G2E3: variants seen among roughly 807,000 people sequenced by gnomAD.
G2E3 encodes G2/M phase-specific E3 ubiquitin-protein ligase.
A neutral mutation model predicts 92.8 loss-of-function variants in G2E3; 35 were observed. The observed-to-expected ratio is 0.38, with a 90% CI of 0.29 to 0.50. G2E3 has a LOEUF of 0.50. G2E3 is among the 20% of genes least tolerant of loss of function. G2E3 has a pLI of 0.94. For synonymous variants in G2E3, 242 were observed against 272.4 expected (o/e 0.89, Z 1.10); for missense variants, 554 against 823.8 (o/e 0.67, Z 4.01).
intron 6 of G2E3, among the ~76,000 whole-genome samples, chr14:30,595,132 T>C (rs547451192): frequency 6.6e-6 from 1 of 152,250 alleles, no homozygotes; most frequent in African/African-American, 2.4e-5. Flanking sequence ...AGCAAGATTC[T>C]GTCTTTAAAA....
chr14:30,612,023 G>C (rs1270010769), intron 12 of G2E3, 184 bp from the exon 13 acceptor site: 1 of 514,038 alleles, frequency 1.9e-6, no homozygotes, highest in Non-Finnish European at 3.5e-6. Flanking sequence ...CTTGAAGGCA[G>C]AAATAGACAA....
intron 10 of G2E3, chr14:30,602,797 G>C (rs1489790046): frequency 6.6e-6 from 1 of 152,062 alleles, no homozygotes; most frequent in African/African-American, 2.4e-5. Context: ...TTTTTGTAGA[G>C]ATGGACATCT....
intron 12 of G2E3, among the ~76,000 whole-genome samples, chr14:30,610,990 G>C (rs1882061876): frequency 6.6e-6 from 1 of 152,166 alleles, no homozygotes; most frequent in Non-Finnish European, 1.5e-5. Context: ...TATACAGATG[G>C]CCCTCTGTTT....
intron 3 of G2E3, among the ~76,000 whole-genome samples, chr14:30,587,057 G>T (rs74976084): frequency 0.028 from 4,190 of 152,016 alleles, 73 homozygotes; most frequent in Admixed American, 0.042. Flanking sequence ...CTTTCTTTCT[G>T]TTTAAGGCCT....
chr14:30,613,503 CA>C (rs1188546411), intron 13 of G2E3, among the ~76,000 whole-genome samples: 2 of 152,038 alleles, frequency 1.3e-5, no homozygotes, highest in South Asian at 2.1e-4. Context: ...TATGGTATCA[CA>C]AGGTGTTTCA....
rs112958695 is a variant in G2E3, at chr14:30,575,756, A to T, written c.-4-5320A>T. Among the ~76,000 whole-genome samples the T allele has an allele frequency of 2.9e-3, 449 of 152,328 alleles. 4 individuals are homozygous for T. The highest frequency in any genetic ancestry group is 9.1e-3 in the African/African-American group (379 of 41,586). On this transcript the variant is annotated intron_variant, in intron 1 of 14. Coordinates refer to ENST00000206595, the MANE Select transcript of G2E3 (RefSeq NM_017769.5). Reference sequence around the variant, plus strand: ...AACCTAGAGCCAAATCAGAAAGGCAATCCCATTCACAGTGGCTACAAAAAG... The same window carrying T: ...AACCTAGAGCCAAATCAGAAAGGCATTCCCATTCACAGTGGCTACAAAAAG...
At chr14:30,577,239 A>AAAG (rs1880161867) in intron 1 of G2E3, among the ~76,000 whole-genome samples, 1 of 151,048 alleles carries the variant, frequency 6.6e-6, no homozygotes, top group African/African-American at 2.4e-5. Context: ...AAAAAAAAAA[A>AAAG]AAAAGAAAAA....
At chr14:30,586,247 C>T (rs1880707676) in intron 2 of G2E3, among the ~76,000 whole-genome samples, 1 of 152,152 alleles carries the variant, frequency 6.6e-6, no homozygotes, top group Non-Finnish European at 1.5e-5. Context: ...GTAATCTGCA[C>T]CAGGAACACG....
intron 1 of G2E3, among the ~76,000 whole-genome samples, chr14:30,563,088 A>G (rs1879210798): frequency 6.8e-6 from 1 of 147,712 alleles, no homozygotes; most frequent in South Asian, 2.2e-4. Flanking sequence ...TATTTCTACA[A>G]TCTCTCGTCT....
At chr14:30,559,716 A>G (rs1374263000) in intron 1 of G2E3, 1 of 152,200 alleles carries the variant, frequency 6.6e-6, no homozygotes, top group Non-Finnish European at 1.5e-5. Context: ...GAATGAAAAG[A>G]TGCTCTACGT....
chr14:30,598,518 A>G lies in G2E3; in HGVS notation c.671A>G (p.Gln224Arg). The G allele has an allele frequency of 1.2e-6, 2 of 1,613,654 alleles. No homozygotes were observed. Among genetic ancestry groups the G allele is most frequent in the Non-Finnish European group, 1.7e-6 (2 of 1,179,502 alleles). The change falls in exon 8 of 15, where the codon CAA (glutamine) becomes CGA (arginine). Residue 224 changes from glutamine to arginine, a missense_variant. This residue lies in a region of G2E3 where 397 missense variants were observed against 560.3 expected (regional missense o/e 0.71). Transcript: ENST00000206595. ...ASWELEENAY[Q>R]ELLQHYERCD... Reference sequence around the variant, plus strand: ...TGGGAATTAGAGGAAAACGCTTATCAAGAGCTTCTGCAGCACTATGAGCGT... The same window carrying G: ...TGGGAATTAGAGGAAAACGCTTATCGAGAGCTTCTGCAGCACTATGAGCGT...
In G2E3 at chr14:30,606,202, A is replaced by T. The variant is rs764811; in HGVS notation, c.1318+390A>T. Reference sequence around the variant, plus strand: ...TTTATAACATAGTTTCCTGGTCCACATGTAACCAATTTTTCAGTATACTTT... The same window carrying T: ...TTTATAACATAGTTTCCTGGTCCACTTGTAACCAATTTTTCAGTATACTTT... On this transcript the variant is annotated intron_variant, in intron 11 of 14. Transcript: ENST00000206595. Among the ~76,000 whole-genome samples the T allele has an allele frequency of 4.7e-3, 714 of 151,984 alleles. 5 individuals carry two copies. The highest frequency in any genetic ancestry group is 0.014 in the Middle Eastern group (4 of 294).
At chr14:30,566,553 A>G (rs898165124) in intron 1 of G2E3, among the ~76,000 whole-genome samples, 11 of 152,326 alleles carry the variant, frequency 7.2e-5, no homozygotes, top group African/African-American at 2.6e-4. Context: ...GTTATATAGA[A>G]ATACAACTGA....
In G2E3 at chr14:30,593,640, G is replaced by C; in HGVS notation, c.528+1G>C. On this transcript the variant is annotated splice_donor_variant, in intron 6 of 14. Transcript: ENST00000206595. LOFTEE classifies it high-confidence loss of function. ...TTGGTTTCATAGAGACTGTTTACAG[G>C]TAAGATACATATTTTGTAAGCTTTC... 1 of 1,586,884 alleles carries C rather than the reference G, an allele frequency of 6.3e-7. No individual in the cohort carries two copies. Among genetic ancestry groups the C allele is most frequent in the Non-Finnish European group, 8.6e-7 (1 of 1,158,706 alleles).
intron 8 of G2E3, 23 bp downstream of exon 8, chr14:30,598,622 G>A (rs1055239268): frequency 6.5e-6 from 9 of 1,387,572 alleles, no homozygotes; most frequent in Admixed American, 3.3e-5. Context: ...GTTCAGTTGT[G>A]CTTAGTGGTT....
chr14:30,579,033 C>G (rs562111951), intron 1 of G2E3, among the ~76,000 whole-genome samples: 1 of 152,206 alleles, frequency 6.6e-6, no homozygotes, highest in South Asian at 2.1e-4. Context: ...AAATGATGTT[C>G]TATAGATTGT....
chr14:30,561,848 CTTT>C (rs61225908), intron 1 of G2E3, among the ~76,000 whole-genome samples: 1 of 135,444 alleles, frequency 7.4e-6, no homozygotes, highest in Non-Finnish European at 1.6e-5. Context: ...AAAGTTGTTG[CTTT>C]TTTTTTTTTA....
At chr14:30,594,956 C>G (rs577574215) in intron 6 of G2E3, among the ~76,000 whole-genome samples, 1 of 150,550 alleles carries the variant, frequency 6.6e-6, no homozygotes, top group Non-Finnish European at 1.5e-5. Flanking sequence ...TGGTGAAACC[C>G]TTTCTCTACT....
At position 30,601,766 on chromosome 14, in the gene G2E3, T is replaced by A; in HGVS notation, c.753-4T>A. 1.9e-6 allele frequency: 3 copies of A among 1,613,938 alleles called. No individual in the cohort carries two copies. Among genetic ancestry groups the A allele is most frequent in the Non-Finnish European group, 2.5e-6 (3 of 1,179,870 alleles). On this transcript the variant is annotated splice_polypyrimidine_tract_variant and splice_region_variant and intron_variant, in intron 8 of 14. Coordinates refer to ENST00000206595, the MANE Select transcript of G2E3 (RefSeq NM_017769.5). ...GTAAGTTCTGCTTTTCTTTGTGTCCTCAGCAAATGGGAAATAAAGCGCTGT... is the reference window on the plus strand; with the variant it reads ...GTAAGTTCTGCTTTTCTTTGTGTCCACAGCAAATGGGAAATAAAGCGCTGT...
Sources: allele counts gnomAD v4.1 joint callset (sites outside exome capture counted in the v4.1 genomes callset), GRCh38; gene constraint gnomAD v4.1.1; regional missense constraint gnomAD v4.1.1; transcripts MANE v1.5; gene names NCBI Gene and HGNC (gene_info 2026-07-23, HGNC 2026-07-21).